TIAM1: variants seen among roughly 807,000 people sequenced by gnomAD.
The protein encoded by TIAM1 is TIAM Rac1 associated GEF 1.
In TIAM1, 65 loss-of-function variants were observed where a neutral mutation model predicts 163.5. The ratio of observed to expected loss-of-function variants is 0.40; its 90% confidence interval spans 0.33 to 0.49. The LOEUF (loss-of-function observed/expected upper bound fraction) is 0.49. Among genes scored for constraint, TIAM1 ranks in the 20% least tolerant of loss-of-function variants. TIAM1 has a pLI of 0.77. For missense variants in TIAM1, 1,789 were observed against 2,044.7 expected (o/e 0.87, Z 2.41); for synonymous variants, 833 against 810.1 (o/e 1.03, Z -0.48).
chr21:31,392,505 GGTT>G (rs2076983296), intron 2 of TIAM1, among the ~76,000 whole-genome samples: 1 of 148,528 alleles, frequency 6.7e-6, no homozygotes, highest in Admixed American at 6.9e-5. Flanking sequence ...GGGAGGCAAA[GGTT>G]GTGGTGAGCT....
Position 31,266,812 on chromosome 21 carries a change from A to G in TIAM1, c.161T>C (p.Val54Ala). The change falls in exon 4 of 28, where the codon GTG (valine) becomes GCG (alanine). Residue 54 changes from valine (V) to alanine (A), a missense_variant. Val to Ala is a moderately conservative substitution (Grantham distance 64). This residue lies in a region of TIAM1 where 555 missense variants were observed against 564.9 expected (regional missense o/e 0.98). Transcript: ENST00000541036. ...SGKVIHRNSE[V>A]STRSSSTPSI... is the part of the protein sequence containing the mutation. ...GGGGGTGCTGCTGGATCGGGTGCTC[A>G]CTTCGGAGTTCCTGTGGATCACCTT... 2 of 1,614,150 alleles carry G rather than the reference A, an allele frequency of 1.2e-6. No homozygotes were observed. The highest frequency in any genetic ancestry group is 1.1e-5 in the South Asian group (1 of 91,088).
intron 1 of TIAM1, among the ~76,000 whole-genome samples, chr21:31,548,986 A>G (rs1246453626): frequency 6.6e-6 from 1 of 152,218 alleles, no homozygotes; most frequent in Admixed American, 6.5e-5. Context: ...CCTCTGTATT[A>G]ATAAAACACA....
At chr21:31,367,231 C>T (rs1369511469) in intron 2 of TIAM1, among the ~76,000 whole-genome samples, 1 of 152,144 alleles carries the variant, frequency 6.6e-6, no homozygotes, top group Admixed American at 6.5e-5. Flanking sequence ...TCAACCCCCA[C>T]CTGCCCCAGC....
At chr21:31,181,926 A>G (rs1405107550) in intron 15 of TIAM1, among the ~76,000 whole-genome samples, 1 of 150,396 alleles carries the variant, frequency 6.6e-6, no homozygotes, top group African/African-American at 2.4e-5. Flanking sequence ...CTGGAACTAC[A>G]GATGCTCTCC....
At chr21:31,546,437 C>G (rs952773260) in intron 1 of TIAM1, among the ~76,000 whole-genome samples, 3 of 151,964 alleles carry the variant, frequency 2.0e-5, no homozygotes, top group Non-Finnish European at 2.9e-5. Context: ...GTAATCCCAG[C>G]TACTCAGGAG....
chr21:31,191,317 G>A (rs578219384), intron 13 of TIAM1, among the ~76,000 whole-genome samples: 18 of 152,158 alleles, frequency 1.2e-4, no homozygotes, highest in African/African-American at 3.9e-4. Flanking sequence ...CACCAAGCCC[G>A]TCTAATTTTT....
At chr21:31,144,699 T>A (rs1225750062) in intron 20 of TIAM1, among the ~76,000 whole-genome samples, 1 of 151,394 alleles carries the variant, frequency 6.6e-6, no homozygotes, top group East Asian at 1.9e-4. Flanking sequence ...CATGGTGGCG[T>A]GCACCTGTAA....
intron 2 of TIAM1, among the ~76,000 whole-genome samples, chr21:31,462,312 A>G (rs1385859041): frequency 6.6e-6 from 1 of 152,120 alleles, no homozygotes; most frequent in Non-Finnish European, 1.5e-5. Context: ...TGATTTGCTG[A>G]CCCCTGTTCT....
chr21:31,130,137 G>T, intron 25 of TIAM1, 76 bp downstream of exon 25: 15 of 1,170,856 alleles, frequency 1.3e-5, no homozygotes, highest in Non-Finnish European at 1.6e-5. Flanking sequence ...TAGACCAAGA[G>T]TGTGGATTCA....
chr21:31,235,120 G>C (rs1397831593), intron 6 of TIAM1, among the ~76,000 whole-genome samples: 1 of 152,170 alleles, frequency 6.6e-6, no homozygotes, highest in Non-Finnish European at 1.5e-5. Context: ...CCGGAGAGCA[G>C]CCATATGGGA....
At chr21:31,427,815 C>T (rs112258620) in intron 2 of TIAM1, among the ~76,000 whole-genome samples, 5,961 of 152,100 alleles carry the variant, frequency 0.039, 383 homozygotes, top group African/African-American at 0.13. Context: ...GCCTGGACAA[C>T]AGAGCAATAC....
At chr21:31,236,783 C>T (rs766849755) in intron 6 of TIAM1, among the ~76,000 whole-genome samples, 3 of 152,136 alleles carry the variant, frequency 2.0e-5, no homozygotes, top group Non-Finnish European at 4.4e-5. Flanking sequence ...ACAACGGGAA[C>T]CTCACTGCAG....
At chr21:31,447,431 A>T (rs764760506) in intron 2 of TIAM1, among the ~76,000 whole-genome samples, 23 of 152,096 alleles carry the variant, frequency 1.5e-4, no homozygotes, top group Non-Finnish European at 3.1e-4. Context: ...GCAAGACTCT[A>T]TCTCAAGAAG....
At chr21:31,455,773 CA>C (rs1233431689) in intron 2 of TIAM1, among the ~76,000 whole-genome samples, 1 of 152,124 alleles carries the variant, frequency 6.6e-6, no homozygotes, top group Non-Finnish European at 1.5e-5. Flanking sequence ...TCAGGCAAAC[CA>C]AAATTGAGGA....
intron 2 of TIAM1, among the ~76,000 whole-genome samples, chr21:31,396,848 G>GC (rs2077080840): frequency 6.6e-6 from 1 of 151,972 alleles, no homozygotes; most frequent in African/African-American, 2.4e-5. Flanking sequence ...CTACTCAGGA[G>GC]GCTGAGACAG....
intron 2 of TIAM1, among the ~76,000 whole-genome samples, chr21:31,455,752 TG>T (rs1203639110): frequency 6.6e-6 from 1 of 152,148 alleles, no homozygotes; most frequent in Non-Finnish European, 1.5e-5. Flanking sequence ...ATTCTAATTG[TG>T]GAAAAATTAT....
At chr21:31,532,083 T>C (rs921657993) in intron 1 of TIAM1, among the ~76,000 whole-genome samples, 3 of 152,134 alleles carry the variant, frequency 2.0e-5, no homozygotes, top group African/African-American at 7.2e-5. Context: ...TGCCACTGCA[T>C]TCCAGCCTGG....
intron 1 of TIAM1, among the ~76,000 whole-genome samples, chr21:31,539,491 TC>T (rs1243896152): frequency 6.6e-6 from 1 of 151,886 alleles, no homozygotes; most frequent in Non-Finnish European, 1.5e-5. Flanking sequence ...GGTCTTGATC[TC>T]CTGACCTCGT....
At chr21:31,244,725 C>CA (rs201415647) in intron 6 of TIAM1, among the ~76,000 whole-genome samples, 1,757 of 151,992 alleles carry the variant, frequency 0.012, 39 homozygotes, top group African/African-American at 0.04. Context: ...GGCTTCATCT[C>CA]AAAAAAAGAG....
Sources: allele counts gnomAD v4.1 joint callset (sites outside exome capture counted in the v4.1 genomes callset), GRCh38; gene constraint gnomAD v4.1.1; regional missense constraint gnomAD v4.1.1; transcripts MANE v1.5; gene names NCBI Gene and HGNC (gene_info 2026-07-23, HGNC 2026-07-21).